Variants in SSC5D observed in about 807,000 individuals in gnomAD.
SSC5D encodes the protein scavenger receptor cysteine rich family member with 5 domains.
A neutral mutation model predicts 104.6 loss-of-function variants in SSC5D; 106 were observed. The ratio of observed to expected loss-of-function variants is 1.01; its 90% CI spans 0.87 to 1.19. SSC5D has a LOEUF of 1.19. Among genes scored for constraint, SSC5D ranks in the 50% most tolerant of loss-of-function variants. SSC5D has a pLI of 0.00. For synonymous variants in SSC5D, 860 were observed against 883.5 expected (o/e 0.97, Z 0.47); for missense variants, 1,993 against 2,153.8 (o/e 0.93, Z 1.48).
intron 9 of SSC5D, 108 bp downstream of exon 9, chr19:55,498,305 T>G: frequency 1.7e-6 from 2 of 1,207,470 alleles, no homozygotes; most frequent in Non-Finnish European, 2.3e-6. Context: ...CCCAGCCCTG[T>G]GCTGGGTGTT....
At position 55,517,580 on chromosome 19, in the gene SSC5D, C is replaced by A. The variant is rs1645613180; in HGVS notation, c.3304C>A (p.Pro1102Thr). 2 of 1,551,540 alleles carry A rather than the reference C, an allele frequency of 1.3e-6. No individual in the cohort carries two copies. The highest frequency in any genetic ancestry group is 2.7e-5 in the African/African-American group (2 of 72,880). ...PTLPKELTSD[P>T]STPSEVTSLS... ...CTTGCCCAAAGAGCTGACCTCTGAC[C>A]CTTCTACACCGTCGGAGGTGACCAG... The change falls in exon 14 of 14, where the codon CCT becomes ACT. Residue 1102 changes from proline to threonine, a missense_variant. By Grantham distance (38) the Pro-to-Thr change is conservative. Transcript: ENST00000389623.
At position 55,489,057 on chromosome 19, in the gene SSC5D, T is replaced by TGGGGGGGGGGGGGGGGGGGGGGGGGGG; in HGVS notation, c.52+26_52+27insGGGGGGGGGGGGGGGGGGGGGGGGGGG. 4.0e-6 allele frequency: 5 copies of TGGGGGGGGGGGGGGGGGGGGGGGGGGG among 1,247,970 alleles called. No homozygotes were observed. In the East Asian group the frequency reaches 1.5e-4, roughly 36 times the overall value. 77.3% of individuals were successfully genotyped at this position (1,247,970 alleles called of 1,614,324 possible). ...GGTAAGTGCCCAGACTCCTCCCATC[T>TGGGGGGGGGGGGGGGGGGGGGGGGGGG]GCCCGCCCCCCCCCCCAGGCCTCCC... is the stretch of plus-strand genomic sequence containing the variant. On this transcript the variant is annotated intron_variant, in intron 2 of 13. Coordinates refer to ENST00000389623, the MANE Select transcript of SSC5D (RefSeq NM_001144950.2).
rs746280913 is a variant in SSC5D, at chr19:55,489,398, C to G, written c.97C>G (p.Leu33Val). The G allele has an allele frequency of 2.9e-5, 43 of 1,488,192 alleles. No homozygotes were observed. The highest frequency in any genetic ancestry group is 4.1e-4 in the Middle Eastern group (2 of 4,878). The allele number at this position is 1,488,192 out of a possible 1,614,324, so 92.2% of individuals were successfully genotyped here. A position where few individuals can be genotyped will look rare whatever the true frequency, so the allele number is the denominator to read the frequency against. Residue 33 changes from leucine (L) to valine (V), a missense_variant, in exon 3 of 14, where the codon CTG becomes GTG. Leu to Val is a conservative substitution (Grantham distance 32, BLOSUM62 1). Around this residue, in one of 6 missense-constraint regions of SSC5D, gnomAD observed 1,101 missense variants for 1,085.0 expected, o/e 1.01. Transcript: ENST00000389623. ...ADGPHGCAGR[L>V]EVWHGGRWGT... is the part of the protein sequence containing the mutation. ...TGGCCCCCATGGGTGCGCTGGCCGC[C>G]TGGAGGTCTGGCATGGCGGGCGCTG...
chr19:55,517,463 A>C lies in SSC5D; in HGVS notation c.3187A>C (p.Ile1063Leu). ...GGCCTCCCGGACGAACCCCGACCTC[A>C]TCTTGACAAGCCCTGACTTTGCTTT... is the stretch of plus-strand genomic sequence containing the variant. ...DPASRTNPDL[I>L]LTSPDFALST... The change falls in exon 14 of 14, where the codon ATC (isoleucine) becomes CTC (leucine). Residue 1063 changes from isoleucine to leucine, a missense_variant. Physicochemically the swap from Ile to Leu is conservative, Grantham distance 5. Transcript: ENST00000389623. 2 of 1,550,838 alleles carry C rather than the reference A, an allele frequency of 1.3e-6. No individual in the cohort carries two copies. Among genetic ancestry groups the C allele is most frequent in the African/African-American group, 1.4e-5 (1 of 72,870 alleles).
At chr19:55,505,861 T>C (rs1026769021) in intron 12 of SSC5D, among the ~76,000 whole-genome samples, 2 of 151,762 alleles carry the variant, frequency 1.3e-5, no homozygotes, top group African/African-American at 4.9e-5. Context: ...CTCAGCCTCC[T>C]GAGTAGCTGG....
intron 12 of SSC5D, among the ~76,000 whole-genome samples, chr19:55,507,537 A>C (rs1296581127): frequency 6.6e-6 from 1 of 150,728 alleles, no homozygotes; most frequent in Non-Finnish European, 1.5e-5. Flanking sequence ...GTGGTGGTGC[A>C]TGCCTATAAT....
intron 12 of SSC5D, among the ~76,000 whole-genome samples, chr19:55,501,846 T>C (rs1423030794): frequency 6.6e-6 from 1 of 152,208 alleles, no homozygotes; most frequent in Non-Finnish European, 1.5e-5. Flanking sequence ...TCTCTCAGGA[T>C]CCCTGCGAAT....
At chr19:55,495,233 A>ATATT (rs1555765051) in intron 8 of SSC5D, among the ~76,000 whole-genome samples, 3 of 50,664 alleles carry the variant, frequency 5.9e-5, no homozygotes, top group Admixed American at 3.2e-4. Context: ...ATATATATAT[A>ATATT]TTTTTTTTTT....
chr19:55,500,649 G>C lies in SSC5D; in HGVS notation c.2462G>C (p.Arg821Pro), dbSNP rs1001647101. The C allele has an allele frequency of 1.9e-6, 3 of 1,551,636 alleles. No homozygotes were observed. The highest frequency in any genetic ancestry group is 2.7e-5 in the African/African-American group (2 of 73,050). ...WELGCGKVRP[R>P]VGKTHYGPGT... ...CTGGGCTGTGGAAAGGTCCGGCCTC[G>C]AGTAGGCAAAACCCATTACGGCCCT... The change falls in exon 11 of 14, where the codon CGA (arginine) becomes CCA (proline). Residue 821 changes from arginine (R) to proline (P), a missense_variant. Arg to Pro is a moderately radical substitution (Grantham distance 103). This residue lies in a region of SSC5D where 70 missense variants were observed against 107.1 expected (regional missense o/e 0.65). Coordinates refer to ENST00000389623, the MANE Select transcript of SSC5D (RefSeq NM_001144950.2). This position sits in a 1 kb window ranked among gnomAD's most constrained non-coding sequence, Gnocchi z 4.6.
chr19:55,517,711 C>A lies in SSC5D; in HGVS notation c.3435C>A (p.Pro1145=), dbSNP rs777217820. ...TVSEYSRSPD[P]SPSPHPTTTP... ...CAGAATATTCTAGATCCCCAGACCC[C>A]TCCCCAAGCCCTCACCCCACTACTA... Residue 1145 remains proline (P), a synonymous_variant, in exon 14 of 14, where the codon CCC becomes CCA. Coordinates refer to ENST00000389623, the MANE Select transcript of SSC5D (RefSeq NM_001144950.2). The A allele has an allele frequency of 1.3e-6, 2 of 1,551,104 alleles. No homozygotes were observed. Among genetic ancestry groups the A allele is most frequent in the South Asian group, 2.4e-5 (2 of 84,034 alleles).
chr19:55,516,448 G>T lies in SSC5D; in HGVS notation c.2948-776G>T, dbSNP rs531081244. 2.6e-5 allele frequency among the ~76,000 whole-genome samples: 4 copies of T among 151,240 alleles called. No individual in the cohort carries two copies. The South Asian group carries it at 8.3e-4, about 32-fold the overall frequency. ...GGAGGCGGAGCTTGCAGTGAGCCGAGATCACGCCACTGCACTCCAGCCTGG... is the reference window on the plus strand; with the variant it reads ...GGAGGCGGAGCTTGCAGTGAGCCGATATCACGCCACTGCACTCCAGCCTGG... On this transcript the variant is annotated intron_variant, in intron 13 of 13. Coordinates refer to ENST00000389623, the MANE Select transcript of SSC5D (RefSeq NM_001144950.2).
At position 55,510,583 on chromosome 19, in the gene SSC5D, G is replaced by A. The variant is rs944563851; in HGVS notation, c.2786-2428G>A. The stretch of plus-strand genomic sequence containing the variant: ...AGGCTAGTCTCAAACTCCTGACCTC[G>A]TGATCCGCCCACCTCAGCCTCCTAA... On this transcript the variant is annotated intron_variant, in intron 12 of 13. Transcript: ENST00000389623. Among the ~76,000 whole-genome samples, 9 of 151,964 alleles carry A rather than the reference G, an allele frequency of 5.9e-5. No individual in the cohort carries two copies. The East Asian group carries it at 9.8e-4, about 16-fold the overall frequency.
At chr19:55,504,101 T>C in intron 12 of SSC5D, 1 of 1,535,058 alleles carries the variant, frequency 6.5e-7, no homozygotes, top group Non-Finnish European at 8.7e-7. Context: ...GTTAGAGCTA[T>C]CATTCCGTTT....
chr19:55,490,521 C>A, intron 5 of SSC5D, 113 bp downstream of exon 5: 1 of 606,526 alleles, frequency 1.6e-6, no homozygotes, highest in Non-Finnish European at 2.9e-6. Context: ...CTGGAGGGAT[C>A]CCAGTGTTCC....
chr19:55,503,841 A>C lies in SSC5D; in HGVS notation c.2785+2640A>C, dbSNP rs1987574176. ...GCCTTTTTTTTTTCTGGCGCTCAGC[A>C]CGCATGCGCAGGCGCGGTGGGCCCG... is the stretch of plus-strand genomic sequence containing the variant. On this transcript the variant is annotated intron_variant, in intron 12 of 13. Transcript: ENST00000389623. This position sits in a 1 kb window ranked among gnomAD's most constrained non-coding sequence, Gnocchi z 4.0. 6.6e-6 allele frequency among the ~76,000 whole-genome samples: 1 copy of C among 151,132 alleles called. No homozygotes were observed. Among genetic ancestry groups the C allele is most frequent in the African/African-American group, 2.4e-5 (1 of 40,982 alleles).
At chr19:55,509,710 T>A (rs1599927145) in intron 12 of SSC5D, among the ~76,000 whole-genome samples, 1 of 151,106 alleles carries the variant, frequency 6.6e-6, no homozygotes, top group Admixed American at 6.6e-5. Context: ...TACAAAAAAA[T>A]TAGCTGGGCA....
In SSC5D at chr19:55,518,766, TG is replaced by T; in HGVS notation, c.4491del (p.Arg1498GlyfsTer10). 1 of 1,550,772 alleles carries T rather than the reference TG, an allele frequency of 6.4e-7. No individual in the cohort carries two copies. The highest frequency in any genetic ancestry group is 1.2e-5 in the South Asian group (1 of 84,058). ...PPALVELVAA[V>X]RDVGGQLQRL... is the part of the protein sequence containing the mutation. ...GCCCTGGTGGAGCTGGTGGCTGCTG[TG>T]AGGGATGTGGGTGGTCAGCTGCAGA... is the stretch of plus-strand genomic sequence containing the variant. On this transcript the variant is annotated frameshift_variant, in exon 14 of 14. Coordinates refer to ENST00000389623, the MANE Select transcript of SSC5D (RefSeq NM_001144950.2). LOFTEE classifies it high-confidence loss of function.
intron 7 of SSC5D, 83 bp downstream of exon 7, chr19:55,493,995 T>TTGGGGGGGGGCCCCCCCCCCCCC: frequency 4.8e-6 from 1 of 206,968 alleles, no homozygotes; most frequent in East Asian, 1.8e-4. Flanking sequence ...GGCGGGGGGG[T>TTGGGGGGGGGCCCCCCCCCCCCC]CCCTACGCGC....
Position 55,490,398 on chromosome 19 carries a change from C to A in SSC5D, c.576C>A (p.Ala192=). The change falls in exon 5 of 14, where the codon GCC becomes GCA. Residue 192 remains alanine (A), a synonymous_variant. Transcript: ENST00000389623. ...GGGCCCCTCTGCTGACGACAGGAGCCCCCCGCCAAGGTAAGCTCCCTGCAG... is the reference window on the plus strand; with the variant it reads ...GGGCCCCTCTGCTGACGACAGGAGCACCCCGCCAAGGTAAGCTCCCTGCAG... ...STRAPLLTTG[A]PRQERLRLVS... The A allele has an allele frequency of 2.1e-6, 3 of 1,414,672 alleles. No homozygotes were observed. The highest frequency in any genetic ancestry group is 2.9e-6 in the Non-Finnish European group (3 of 1,039,418). The allele number at this position is 1,414,672 out of a possible 1,614,324, so 87.6% of individuals were successfully genotyped here. A position where few individuals can be genotyped will look rare whatever the true frequency, so the allele number is the denominator to read the frequency against.
Sources: gnomAD v4.1 joint callset for allele counts (sites outside exome capture counted in the v4.1 genomes callset) on GRCh38, gnomAD v4.1.1 for gene constraint, gnomAD v4.1.1 regional missense constraint, Gnocchi (gnomAD v3.1) non-coding constraint, MANE v1.5 for transcripts, NCBI Gene and HGNC (gene_info 2026-07-23, HGNC 2026-07-21) for gene names.